ZC3H3: variants seen among roughly 807,000 people sequenced by gnomAD.
ZC3H3 encodes the protein zinc finger CCCH domain-containing protein 3.
In ZC3H3, 36 loss-of-function variants were observed where a neutral mutation model predicts 77.3. The ratio of observed to expected loss-of-function variants is 0.47; its 90% CI spans 0.36 to 0.61. ZC3H3 has a LOEUF of 0.61. ZC3H3 is among the 20% of genes least tolerant of loss of function. The pLI, the probability that ZC3H3 is intolerant of heterozygous loss-of-function variation, is 0.00. For missense variants in ZC3H3, 1,331 were observed against 1,312.2 expected, an observed-to-expected ratio of 1.01 and a Z score of -0.22; for synonymous variants, 626 against 555.2, an observed-to-expected ratio of 1.13 and a Z score of -1.79.
At chr8:143,461,843 G>A (rs56077651) in intron 9 of ZC3H3, among the ~76,000 whole-genome samples, 3,865 of 152,028 alleles carry the variant, frequency 0.025, 174 homozygotes, top group African/African-American at 0.089. Context: ...AGGGAATTCT[G>A]GGGGGCGATG....
intron 9 of ZC3H3, among the ~76,000 whole-genome samples, chr8:143,448,702 T>G (rs1038043774): frequency 5.3e-5 from 8 of 152,154 alleles, no homozygotes; most frequent in Non-Finnish European, 7.4e-5. Flanking sequence ...GATCTACCAC[T>G]CCAGGGTCTG....
intron 4 of ZC3H3, among the ~76,000 whole-genome samples, chr8:143,495,392 G>T (rs1821319153): frequency 6.6e-6 from 1 of 152,080 alleles, no homozygotes; most frequent in Admixed American, 6.5e-5. Context: ...CTCCAGAGCA[G>T]GCAGCTAATC....
At chr8:143,520,566 A>G (rs1169577084) in intron 3 of ZC3H3, among the ~76,000 whole-genome samples, 1 of 151,858 alleles carries the variant, frequency 6.6e-6, no homozygotes, top group Non-Finnish European at 1.5e-5. Flanking sequence ...CCACCCAGAC[A>G]CCCCGAGATC....
At chr8:143,512,348 CA>C (rs1821895824) in intron 3 of ZC3H3, among the ~76,000 whole-genome samples, 1 of 152,276 alleles carries the variant, frequency 6.6e-6, no homozygotes, top group Non-Finnish European at 1.5e-5. Context: ...ACCATCTCCA[CA>C]CTGCCTATGT....
intron 9 of ZC3H3, among the ~76,000 whole-genome samples, chr8:143,447,997 G>A (rs367665281): frequency 1.1e-3 from 173 of 152,296 alleles, no homozygotes; most frequent in African/African-American, 3.8e-3. Context: ...GTGTGGTGGT[G>A]CATGCCTGTA....
chr8:143,528,294 A>T (rs1357423463), intron 3 of ZC3H3, among the ~76,000 whole-genome samples: 3 of 152,158 alleles, frequency 2.0e-5, no homozygotes, highest in Admixed American at 2.0e-4. Context: ...ACCCAGACCC[A>T]GCCAACTCAC....
At chr8:143,505,185 C>T (rs935271530) in intron 4 of ZC3H3, among the ~76,000 whole-genome samples, 4 of 152,202 alleles carry the variant, frequency 2.6e-5, no homozygotes, top group Non-Finnish European at 5.9e-5. Flanking sequence ...GAGCTGGGGC[C>T]CAAGGAGAGC....
At chr8:143,519,900 G>C (rs1822186127) in intron 3 of ZC3H3, among the ~76,000 whole-genome samples, 1 of 152,168 alleles carries the variant, frequency 6.6e-6, no homozygotes, top group East Asian at 1.9e-4. Flanking sequence ...GCACCTCTGA[G>C]CCCGACGGTG....
At chr8:143,488,613 A>C (rs1482562582) in intron 4 of ZC3H3, among the ~76,000 whole-genome samples, 1 of 152,264 alleles carries the variant, frequency 6.6e-6, no homozygotes, top group African/African-American at 2.4e-5. Context: ...GCAGAAAAGC[A>C]GGTGCTCATG....
intron 4 of ZC3H3, among the ~76,000 whole-genome samples, chr8:143,486,785 C>T (rs1821067893): frequency 6.7e-6 from 1 of 149,728 alleles, no homozygotes; most frequent in Non-Finnish European, 1.5e-5. Context: ...ACACACAGAA[C>T]AGCACCCGCT....
chr8:143,536,540 G>A lies in ZC3H3; in HGVS notation c.1365-87C>T. The A allele has an allele frequency of 1.0e-5, 14 of 1,347,568 alleles. No homozygotes were observed. The South Asian group carries it at 2.0e-4, about 19-fold the overall frequency. The allele number at this position is 1,347,568 out of a possible 1,614,324, so 83.5% of individuals were successfully genotyped here. ...CCTCACCAGGACCCGAGGAGCGTGGGAGCAGCTCCTGAAGGCCAGGACCAG... is the reference window on the plus strand; with the variant it reads ...CCTCACCAGGACCCGAGGAGCGTGGAAGCAGCTCCTGAAGGCCAGGACCAG... On this transcript the variant is annotated intron_variant, in intron 2 of 11. Transcript: ENST00000262577.
At chr8:143,470,839 C>A (rs753137625) in intron 5 of ZC3H3, among the ~76,000 whole-genome samples, 22 of 152,324 alleles carry the variant, frequency 1.4e-4, no homozygotes, top group Admixed American at 8.5e-4. Flanking sequence ...GCAAGGGCTG[C>A]CTGAGAAGTG....
chr8:143,499,087 T>G (rs1005742819), intron 4 of ZC3H3, among the ~76,000 whole-genome samples: 9 of 152,040 alleles, frequency 5.9e-5, no homozygotes, highest in Non-Finnish European at 1.3e-4. Context: ...TCTGGGCCCT[T>G]TGCTGGCCAG....
intron 3 of ZC3H3, among the ~76,000 whole-genome samples, chr8:143,518,732 G>A (rs11777483): frequency 0.12 from 17,818 of 152,302 alleles, 1,327 homozygotes; most frequent in Admixed American, 0.2. Flanking sequence ...AGCCACAATC[G>A]CAGTCTCAGG....
intron 3 of ZC3H3, among the ~76,000 whole-genome samples, chr8:143,534,536 C>T (rs1409908400): frequency 6.6e-6 from 1 of 152,146 alleles, no homozygotes; most frequent in Admixed American, 6.5e-5. Flanking sequence ...CAGGGCTGAA[C>T]CTGCACCCAG....
intron 4 of ZC3H3, among the ~76,000 whole-genome samples, chr8:143,505,154 C>A (rs1310591766): frequency 6.6e-6 from 1 of 152,246 alleles, no homozygotes; most frequent in East Asian, 1.9e-4. Context: ...TGCCCGCCAG[C>A]CCCTCCAGGG....
At chr8:143,448,824 G>A (rs1563834217) in intron 9 of ZC3H3, among the ~76,000 whole-genome samples, 3 of 152,236 alleles carry the variant, frequency 2.0e-5, no homozygotes, top group Non-Finnish European at 4.4e-5. Flanking sequence ...ATGAGGGCTT[G>A]ACCCCTGCAG....
intron 3 of ZC3H3, among the ~76,000 whole-genome samples, chr8:143,522,474 G>A (rs1822279036): frequency 6.6e-6 from 1 of 152,182 alleles, no homozygotes; most frequent in African/African-American, 2.4e-5. Context: ...GTGATGGCGT[G>A]AGCCTGTAAT....
At chr8:143,522,911 C>A (rs1012483646) in intron 3 of ZC3H3, among the ~76,000 whole-genome samples, 3 of 147,912 alleles carry the variant, frequency 2.0e-5, no homozygotes, top group Non-Finnish European at 3.0e-5. Context: ...CAGAGCAAGA[C>A]CCTGTCTCAA....
Sources: gnomAD v4.1 joint callset for allele counts (sites outside exome capture counted in the v4.1 genomes callset) on GRCh38, gnomAD v4.1.1 for gene constraint, MANE v1.5 for transcripts, NCBI Gene and HGNC (gene_info 2026-07-23, HGNC 2026-07-21) for gene names.